PLEKHA5: variants seen among roughly 807,000 people sequenced by gnomAD.
PLEKHA5 encodes the protein pleckstrin homology domain containing A5, also known as pleckstrin homology domain-containing family A member 5.
PLEKHA5 carries 55 observed loss-of-function variants against 181.9 expected under a neutral mutation model. That is an observed-to-expected ratio of 0.30 (90% CI 0.24 to 0.38). The LOEUF (loss-of-function observed/expected upper bound fraction) is 0.38, where lower values mean the gene tolerates loss of function less well. PLEKHA5 is among the 10% of genes least tolerant of loss of function. The pLI is 1.00. For synonymous variants in PLEKHA5, 535 were observed against 529.4 expected, an observed-to-expected ratio of 1.01 and a Z score of -0.15; for missense variants, 1,432 against 1,549.5, an observed-to-expected ratio of 0.92 and a Z score of 1.27.
intron 20 of PLEKHA5, among the ~76,000 whole-genome samples, chr12:19,328,367 G>C (rs528664489): frequency 6.6e-6 from 1 of 152,280 alleles, no homozygotes; most frequent in Admixed American, 6.5e-5. Context: ...AATGATGGTA[G>C]TTTGATAGAA....
At chr12:19,228,355 A>G (rs2059974589) in intron 3 of PLEKHA5, among the ~76,000 whole-genome samples, 1 of 152,200 alleles carries the variant, frequency 6.6e-6, no homozygotes, top group Non-Finnish European at 1.5e-5. Flanking sequence ...ATATATTTGC[A>G]TCATGACTTC....
At position 19,222,595 on chromosome 12, in the gene PLEKHA5, T is replaced by G. The variant is rs1288631970; in HGVS notation, c.228-31345T>G. Among the ~76,000 whole-genome samples the G allele has an allele frequency of 2.6e-5, 4 of 152,136 alleles. No individual in the cohort carries two copies. In the East Asian group the frequency reaches 7.7e-4, roughly 29 times the overall value. On this transcript the variant is annotated intron_variant, in intron 3 of 31. Coordinates refer to ENST00000429027, the MANE Select transcript of PLEKHA5 (RefSeq NM_001256470.2). ...AAAAAGGCAATCAATTAATAATATA[T>G]AAATAAGAGGAAGTGGAAAGTCAGT...
Position 19,289,381 on chromosome 12 carries a change from A to C in PLEKHA5, c.1864-1296A>C, listed in dbSNP as rs377286361. On this transcript the variant is annotated intron_variant, in intron 13 of 31. Transcript: ENST00000429027. ...TTTTGAAAAGAATTGTCAGAAAATA[A>C]AGAGCAATAGCAAATAAACAGAACG... Among the ~76,000 whole-genome samples, 5 of 152,232 alleles carry C rather than the reference A, an allele frequency of 3.3e-5. No individual in the cohort carries two copies. In the South Asian group the frequency reaches 6.2e-4, roughly 19 times the overall value.
At chr12:19,193,989 ACT>A (rs147505811) in intron 3 of PLEKHA5, among the ~76,000 whole-genome samples, 10,696 of 152,142 alleles carry the variant, frequency 0.07, 396 homozygotes, top group South Asian at 0.11. Flanking sequence ...CAGTATTGCT[ACT>A]ACAGCACCAA....
rs901798361 is a variant in PLEKHA5 at position 19,130,585 on chromosome 12, G to A, written c.169+455G>A. 2 of 152,716 alleles carry A rather than the reference G, an allele frequency of 1.3e-5. No homozygotes were observed. The highest frequency in any genetic ancestry group is 2.1e-4 in the South Asian group (1 of 4,828). The allele number at this position is 152,716 out of a possible 1,614,324, so 9.5% of individuals were successfully genotyped here. A position where few individuals can be genotyped will look rare whatever the true frequency, so the allele number is the denominator to read the frequency against. ...AGCCCCGGACCCCGATCGCCCGCCG[G>A]GATAACGTAACCACATCCTCCCCCT... is the stretch of plus-strand genomic sequence containing the variant. On this transcript the variant is annotated intron_variant, in intron 2 of 31. Transcript: ENST00000429027. This position sits in a 1 kb window ranked among gnomAD's most constrained non-coding sequence, Gnocchi z 4.5.
chr12:19,293,367 G>A (rs977299955), intron 15 of PLEKHA5, among the ~76,000 whole-genome samples: 1 of 151,860 alleles, frequency 6.6e-6, no homozygotes, highest in Non-Finnish European at 1.5e-5. Context: ...TCAGCATTTT[G>A]GCCATTGGAA....
intron 3 of PLEKHA5, among the ~76,000 whole-genome samples, chr12:19,237,315 T>C (rs1454597201): frequency 6.6e-6 from 1 of 152,142 alleles, no homozygotes; most frequent in East Asian, 1.9e-4. Context: ...TCCTTAACTT[T>C]AGGCTACATG....
intron 14 of PLEKHA5, 46 bp downstream of exon 14, chr12:19,290,842 ATTT>A (rs2078253040): frequency 3.4e-6 from 5 of 1,486,376 alleles, no homozygotes; most frequent in Non-Finnish European, 4.5e-6. Flanking sequence ...ATCATCTCTT[ATTT>A]TGAAACACTC....
At chr12:19,274,345 C>T in intron 10 of PLEKHA5, 171 bp from the exon 11 acceptor site, 1 of 592,132 alleles carries the variant, frequency 1.7e-6, no homozygotes, top group South Asian at 2.2e-5. Flanking sequence ...TGGTGTTGTG[C>T]TTGAATGTTA....
At chr12:19,323,979 G>A (rs768149097) in intron 20 of PLEKHA5, among the ~76,000 whole-genome samples, 3 of 152,128 alleles carry the variant, frequency 2.0e-5, no homozygotes, top group Non-Finnish European at 4.4e-5. Context: ...GTCCTATGAT[G>A]TGGTCATCTC....
chr12:19,306,861 C>G, intron 15 of PLEKHA5: 2 of 790,564 alleles, frequency 2.5e-6, no homozygotes, highest in Non-Finnish European at 4.5e-6. Context: ...GTACCATATG[C>G]AGAAGGAGTT....
At chr12:19,333,961 G>T (rs948513750) in intron 20 of PLEKHA5, among the ~76,000 whole-genome samples, 3 of 152,070 alleles carry the variant, frequency 2.0e-5, no homozygotes, top group African/African-American at 7.2e-5. Flanking sequence ...TTTATTGAAA[G>T]CACTATTTTG....
intron 3 of PLEKHA5, among the ~76,000 whole-genome samples, chr12:19,196,530 T>C (rs1284914501): frequency 6.6e-6 from 1 of 152,240 alleles, no homozygotes; most frequent in Non-Finnish European, 1.5e-5. Flanking sequence ...TCTCTTGTTC[T>C]GAGCAGGTGT....
At chr12:19,269,126 A>G (rs906773187) in intron 8 of PLEKHA5, among the ~76,000 whole-genome samples, 1 of 152,034 alleles carries the variant, frequency 6.6e-6, no homozygotes, top group African/African-American at 2.4e-5. Context: ...GGTGGCTCAC[A>G]CCTGTAATCC....
intron 15 of PLEKHA5, among the ~76,000 whole-genome samples, chr12:19,312,182 A>G (rs901899984): frequency 1.1e-4 from 17 of 152,208 alleles, no homozygotes; most frequent in Admixed American, 6.5e-4. Context: ...CAGATGTGCT[A>G]TCATCCAGGC....
intron 3 of PLEKHA5, among the ~76,000 whole-genome samples, chr12:19,225,083 G>A (rs931949403): frequency 2.9e-4 from 44 of 152,164 alleles, no homozygotes; most frequent in Non-Finnish European, 4.4e-5. Context: ...GACAATGAAG[G>A]ACAGATACCA....
chr12:19,269,556 AAG>A (rs1181429195), intron 8 of PLEKHA5, among the ~76,000 whole-genome samples: 1 of 151,908 alleles, frequency 6.6e-6, no homozygotes, highest in African/African-American at 2.4e-5. Flanking sequence ...AACTAAAAGA[AAG>A]AGGGTAAAAT....
intron 10 of PLEKHA5, among the ~76,000 whole-genome samples, chr12:19,272,384 A>G (rs1029074296): frequency 6.6e-6 from 1 of 152,090 alleles, no homozygotes; most frequent in Non-Finnish European, 1.5e-5. Context: ...CTTTTTGACT[A>G]CTTTTTCAAT....
intron 3 of PLEKHA5, among the ~76,000 whole-genome samples, chr12:19,164,208 T>G (rs2043726730): frequency 1.4e-5 from 2 of 147,464 alleles, no homozygotes; most frequent in Non-Finnish European, 3.0e-5. Flanking sequence ...TTTTTTTTTT[T>G]TTTTTTTTGA....
Sources: allele counts gnomAD v4.1 joint callset (sites outside exome capture counted in the v4.1 genomes callset), GRCh38; gene constraint gnomAD v4.1.1; non-coding constraint Gnocchi (gnomAD v3.1); transcripts MANE v1.5; gene names NCBI Gene and HGNC (gene_info 2026-07-23, HGNC 2026-07-21).